The following TMEM182 variants were observed in gnomAD, a reference collection of about 807,000 sequenced individuals.
TMEM182 encodes the protein transmembrane protein 182.
A neutral mutation model predicts 26.8 loss-of-function variants in TMEM182; 20 were observed. The observed-to-expected ratio is 0.75, with a 90% CI of 0.53 to 1.09. The LOEUF is 1.09. Among genes scored for constraint, TMEM182 ranks in the 50% least tolerant of loss-of-function variants. TMEM182 has a pLI of 0.00. For synonymous variants in TMEM182, 109 were observed against 102.2 expected (o/e 1.07, Z -0.40); for missense variants, 277 against 275.5 (o/e 1.01, Z -0.04).
intron 3 of TMEM182, among the ~76,000 whole-genome samples, chr2:102,840,831 AT>A (rs1349008645): frequency 4.6e-5 from 7 of 152,138 alleles, no homozygotes; most frequent in Non-Finnish European, 1.0e-4. Flanking sequence ...TAACTGACAA[AT>A]CTTCAATTCA....
chr2:102,769,355 A>G (rs1455658958), intron 3 of TMEM182, among the ~76,000 whole-genome samples: 1 of 152,232 alleles, frequency 6.6e-6, no homozygotes, highest in Non-Finnish European at 1.5e-5. Flanking sequence ...GTAGCCAAAC[A>G]AAAAAGAGCT....
chr2:102,786,913 A>G lies in TMEM182; in HGVS notation c.332-10950A>G, dbSNP rs759398376. Among the ~76,000 whole-genome samples the G allele has an allele frequency of 5.1e-4, 77 of 152,316 alleles. 2 individuals are homozygous for G. The highest frequency in any genetic ancestry group is 3.2e-3 in the Admixed American group (49 of 15,296). Reference sequence around the variant, plus strand: ...GGAATGGAAGTACAGTGCTCAGTCTAGTGACTGGCATTCAGTTAGCGCTGA... The same window carrying G: ...GGAATGGAAGTACAGTGCTCAGTCTGGTGACTGGCATTCAGTTAGCGCTGA... On this transcript the variant is annotated intron_variant, in intron 3 of 4. Transcript: ENST00000412401.
intron 3 of TMEM182, among the ~76,000 whole-genome samples, chr2:102,776,048 G>A (rs895470040): frequency 6.6e-6 from 1 of 151,992 alleles, no homozygotes; most frequent in Admixed American, 6.6e-5. Context: ...ACTTTTAATG[G>A]CAGTTTTATA....
At chr2:102,773,077 A>G (rs1308847263) in intron 3 of TMEM182, among the ~76,000 whole-genome samples, 1 of 152,178 alleles carries the variant, frequency 6.6e-6, no homozygotes, top group Non-Finnish European at 1.5e-5. Flanking sequence ...ATATTATGCC[A>G]TCTGTACTGA....
chr2:102,777,443 G>A (rs1680967002), intron 3 of TMEM182, among the ~76,000 whole-genome samples: 1 of 152,028 alleles, frequency 6.6e-6, no homozygotes, highest in South Asian at 2.1e-4. Flanking sequence ...CAGATTAGTT[G>A]ATTATATTTG....
At chr2:102,822,591 G>C (rs1682943856), downstream of TMEM182, among the ~76,000 whole-genome samples, 1 of 152,148 alleles carries the variant, frequency 6.6e-6, no homozygotes, top group Admixed American at 6.5e-5. Context: ...AGTGGAAAAG[G>C]TTGTTGTGCA....
At chr2:102,839,859 G>T (rs1027128484) in intron 3 of TMEM182, among the ~76,000 whole-genome samples, 2 of 152,166 alleles carry the variant, frequency 1.3e-5, no homozygotes, top group Non-Finnish European at 2.9e-5. Flanking sequence ...AGCACAGAAG[G>T]TTAGAGGATC....
chr2:102,746,443 C>A (rs1270776083), intron 1 of TMEM182, among the ~76,000 whole-genome samples: 1 of 151,980 alleles, frequency 6.6e-6, no homozygotes, highest in Non-Finnish European at 1.5e-5. Flanking sequence ...TTGATAATGT[C>A]CAGTTTATCT....
intron 4 of TMEM182, among the ~76,000 whole-genome samples, chr2:102,802,602 G>A (rs920209559): frequency 4.6e-5 from 7 of 152,182 alleles, no homozygotes; most frequent in African/African-American, 7.2e-5. Flanking sequence ...CTCCTGCCCC[G>A]TGGCATTGGA....
At chr2:102,775,645 G>A (rs868365839) in intron 3 of TMEM182, 7 of 149,280 alleles carry the variant, frequency 4.7e-5, no homozygotes, top group Middle Eastern at 3.4e-3. Context: ...AAACCCCATC[G>A]TCTCAGCCCA....
At chr2:102,841,673 T>G (rs1442786044) in intron 3 of TMEM182, among the ~76,000 whole-genome samples, 1 of 152,180 alleles carries the variant, frequency 6.6e-6, no homozygotes, top group East Asian at 1.9e-4. Flanking sequence ...AGCAGAACAA[T>G]TATCCATATG....
chr2:102,774,402 C>T (rs1208232734), intron 3 of TMEM182, among the ~76,000 whole-genome samples: 2 of 151,338 alleles, frequency 1.3e-5, no homozygotes, highest in Non-Finnish European at 2.9e-5. Flanking sequence ...ATTACAGGTG[C>T]ATGCCACCAT....
At chr2:102,773,210 A>G (rs541695355) in intron 3 of TMEM182, among the ~76,000 whole-genome samples, 58 of 152,224 alleles carry the variant, frequency 3.8e-4, no homozygotes, top group Non-Finnish European at 6.5e-4. Context: ...CCAAAAAAAA[A>G]AGGATAAAAG....
At chr2:102,750,792 C>T (rs989721826) in intron 1 of TMEM182, among the ~76,000 whole-genome samples, 1 of 152,156 alleles carries the variant, frequency 6.6e-6, no homozygotes, top group African/African-American at 2.4e-5. Context: ...TGTGATTGTC[C>T]TTTTTACCCA....
At chr2:102,753,847 G>A (rs1409681910) in intron 1 of TMEM182, among the ~76,000 whole-genome samples, 1 of 152,204 alleles carries the variant, frequency 6.6e-6, no homozygotes, top group Non-Finnish European at 1.5e-5. Flanking sequence ...CTAGGTGTAA[G>A]AGATGCAACA....
At chr2:102,738,309 T>C (rs1036546289) in intron 1 of TMEM182, among the ~76,000 whole-genome samples, 1 of 152,124 alleles carries the variant, frequency 6.6e-6, no homozygotes, top group Non-Finnish European at 1.5e-5. Context: ...GAATTGGAAG[T>C]CACGGCCAGG....
intron 3 of TMEM182, among the ~76,000 whole-genome samples, chr2:102,769,367 G>A (rs1573510938): frequency 6.6e-6 from 1 of 152,320 alleles, no homozygotes; most frequent in East Asian, 1.9e-4. Context: ...AAAAGAGCTG[G>A]AGGGATCAAG....
At chr2:102,738,466 G>A (rs868823383) in intron 1 of TMEM182, among the ~76,000 whole-genome samples, 7 of 151,994 alleles carry the variant, frequency 4.6e-5, no homozygotes, top group Non-Finnish European at 8.8e-5. Context: ...GTGGTGGTGC[G>A]CGCCTGTAGT....
rs34305726 is a variant in TMEM182 at position 102,792,041 on chromosome 2, TACACAC to T, written c.332-5796_332-5791del. Among the ~76,000 whole-genome samples the T allele has an allele frequency of 2.4e-3, 349 of 147,150 alleles. 1 individual carries two copies. The highest frequency in any genetic ancestry group is 6.6e-3 in the African/African-American group (266 of 40,144). ...ATATATATAATTTTATATGTGTGTA[TACACAC>T]ACACACACACACACACACACACACA... On this transcript the variant is annotated intron_variant, in intron 3 of 4. Coordinates refer to ENST00000412401, the MANE Select transcript of TMEM182 (RefSeq NM_144632.5).
Sources: allele counts gnomAD v4.1 joint callset (sites outside exome capture counted in the v4.1 genomes callset), GRCh38; gene constraint gnomAD v4.1.1; transcripts MANE v1.5; gene names NCBI Gene and HGNC (gene_info 2026-07-23, HGNC 2026-07-21).